SMAD6: variants seen among roughly 807,000 people sequenced by gnomAD.
SMAD6 encodes the protein MAD homolog 6.
Under a neutral mutation model 39.4 loss-of-function variants are expected in SMAD6, and 103 were observed. That is an observed-to-expected ratio of 2.62 (90% CI 2.23 to 3.08). The LOEUF (loss-of-function observed/expected upper bound fraction) is 3.08, where lower values mean the gene tolerates loss of function less well. SMAD6 is among the 30% of genes most tolerant of loss of function. SMAD6 has a pLI of 0.00. For missense variants in SMAD6, 1,104 were observed against 742.9 expected (o/e 1.49, Z -5.65); for synonymous variants, 445 against 353.3 (o/e 1.26, Z -2.91).
chr15:66,736,819 G>A (rs554810252), intron 3 of SMAD6, among the ~76,000 whole-genome samples: 2 of 152,182 alleles, frequency 1.3e-5, no homozygotes, highest in East Asian at 3.9e-4. Context: ...ACAGGCATCC[G>A]CCACCACGCC....
chr15:66,713,088 G>A (rs373328649), intron 2 of SMAD6, among the ~76,000 whole-genome samples: 1 of 152,190 alleles, frequency 6.6e-6, no homozygotes, highest in African/African-American at 2.4e-5. Context: ...AGGCAGAGAA[G>A]TGATGGAATC....
At chr15:66,718,847 C>T (rs1267349175) in intron 3 of SMAD6, among the ~76,000 whole-genome samples, 2 of 152,008 alleles carry the variant, frequency 1.3e-5, no homozygotes, top group Non-Finnish European at 2.9e-5. Context: ...GGTGAAGGCA[C>T]GAGTCATTCT....
rs1893331135 is a variant in SMAD6, at chr15:66,716,438, T to C, written c.892T>C (p.Leu298=). 3.1e-6 allele frequency: 5 copies of C among 1,613,402 alleles called. No individual in the cohort carries two copies. The highest frequency in any genetic ancestry group is 4.2e-6 in the Non-Finnish European group (5 of 1,179,390). The change falls in exon 3 of 4, where the codon TTG becomes CTG. Residue 298 remains leucine, a synonymous_variant. Transcript: ENST00000288840. Reference sequence around the variant, plus strand: ...TCCCACAGATCTGTCCGATTCCACATTGTCTTACACTGAAACGGAGGCTAC... The same window carrying C: ...TCCCACAGATCTGTCCGATTCCACACTGTCTTACACTGAAACGGAGGCTAC... ...YKPLDLSDST[L]SYTETEATNS...
At chr15:66,771,402 C>T (rs776797379) in intron 3 of SMAD6, among the ~76,000 whole-genome samples, 12 of 152,160 alleles carry the variant, frequency 7.9e-5, no homozygotes, top group Non-Finnish European at 1.2e-4. Flanking sequence ...CAGCCCAGGC[C>T]GCCACTTTGT....
At chr15:66,718,463 A>T (rs1415194218) in intron 3 of SMAD6, among the ~76,000 whole-genome samples, 1 of 152,184 alleles carries the variant, frequency 6.6e-6, no homozygotes, top group Admixed American at 6.5e-5. Flanking sequence ...GTGTTGGAAA[A>T]TGTGTCCAAT....
intron 3 of SMAD6, among the ~76,000 whole-genome samples, chr15:66,743,774 T>G (rs1893857520): frequency 6.6e-6 from 1 of 152,244 alleles, no homozygotes. Flanking sequence ...ATGGTCTCTA[T>G]GCAGCCAAAT....
intron 3 of SMAD6, among the ~76,000 whole-genome samples, chr15:66,750,986 A>G (rs1033465942): frequency 6.6e-6 from 1 of 152,116 alleles, no homozygotes; most frequent in African/African-American, 2.4e-5. Context: ...CTGGGCCTCC[A>G]CGTGCTAGGC....
chr15:66,703,652 C>G lies in SMAD6; in HGVS notation c.394C>G (p.Arg132Gly). 8.1e-7 allele frequency: 1 copy of G among 1,232,100 alleles called. No homozygotes were observed. The highest frequency in any genetic ancestry group is 1.0e-6 in the Non-Finnish European group (1 of 986,616). The allele number at this position is 1,232,100 out of a possible 1,614,324, so 76.3% of individuals were successfully genotyped here. A position where few individuals can be genotyped will look rare whatever the true frequency, so the allele number is the denominator to read the frequency against. The change falls in exon 1 of 4, where the codon CGG becomes GGG. Residue 132 changes from arginine to glycine, a missense_variant. Physicochemically the swap from Arg to Gly is moderately radical, Grantham distance 125. Coordinates refer to ENST00000288840, the MANE Select transcript of SMAD6 (RefSeq NM_005585.5). ...GGTGACCTGCTGTCTCTTTTCGGAG[C>G]GGGACGCCGCCGGCGCGCCCCGGGA... is the stretch of plus-strand genomic sequence containing the variant. ...ETVTCCLFSE[R>G]DAAGAPRDAS...
chr15:66,758,051 AGTT>A (rs1279318886), intron 3 of SMAD6, among the ~76,000 whole-genome samples: 1 of 152,208 alleles, frequency 6.6e-6, no homozygotes, highest in East Asian at 1.9e-4. Context: ...ATGGATAGAA[AGTT>A]GTTGTCATTG....
chr15:66,722,780 G>A (rs1893457151), intron 3 of SMAD6, among the ~76,000 whole-genome samples: 1 of 152,046 alleles, frequency 6.6e-6, no homozygotes, highest in Admixed American at 6.6e-5. Context: ...AGGGGGGGTC[G>A]GCAGGAGTGA....
At chr15:66,780,931 C>G in intron 3 of SMAD6, 66 bp from the exon 4 acceptor site, 1 of 1,459,590 alleles carries the variant, frequency 6.9e-7, no homozygotes, top group South Asian at 1.3e-5. Context: ...GTGCCCACCT[C>G]CGCTCCTCGG....
At chr15:66,737,823 G>A (rs1235321228) in intron 3 of SMAD6, among the ~76,000 whole-genome samples, 1 of 151,992 alleles carries the variant, frequency 6.6e-6, no homozygotes, top group Non-Finnish European at 1.5e-5. Context: ...CCCCAGTGAC[G>A]CGGAGCTGAG....
chr15:66,703,836 AGGC>A lies in SMAD6; in HGVS notation c.581_583del (p.Ala194del). ...GAGCGCTCGCTGGACACGCTGCTGG[AGGC>A]GGTGGAGTCCCGCGGCGGCGTGCCG... On this transcript the variant is annotated inframe_deletion, in exon 1 of 4. Coordinates refer to ENST00000288840, the MANE Select transcript of SMAD6 (RefSeq NM_005585.5). 1 of 1,395,790 alleles carries A rather than the reference AGGC, an allele frequency of 7.2e-7. No homozygotes were observed. Among genetic ancestry groups the A allele is most frequent in the Non-Finnish European group, 9.4e-7 (1 of 1,063,236 alleles). The allele number at this position is 1,395,790 out of a possible 1,614,324, so 86.5% of individuals were successfully genotyped here.
chr15:66,746,614 T>A (rs1378602441), intron 3 of SMAD6, among the ~76,000 whole-genome samples: 2 of 152,140 alleles, frequency 1.3e-5, no homozygotes, highest in Non-Finnish European at 2.9e-5. Flanking sequence ...TGAGACACCC[T>A]CTTGCATGTG....
At position 66,778,898 on chromosome 15, in the gene SMAD6, C is replaced by T. The variant is rs151267965; in HGVS notation, c.953-2099C>T. On this transcript the variant is annotated intron_variant, in intron 3 of 3. Transcript: ENST00000288840. Reference sequence around the variant, plus strand: ...GAAGGCACTCATGGATGCCGTTGCCCGTCCTGTCTCCCAGCATACTCCAGG... The same window carrying T: ...GAAGGCACTCATGGATGCCGTTGCCTGTCCTGTCTCCCAGCATACTCCAGG... Among the ~76,000 whole-genome samples the T allele has an allele frequency of 2.8e-3, 420 of 152,324 alleles. 4 individuals are homozygous for T. The highest frequency in any genetic ancestry group is 9.6e-3 in the African/African-American group (398 of 41,568).
chr15:66,709,329 TTTTC>T (rs1186099130), intron 1 of SMAD6, among the ~76,000 whole-genome samples: 3 of 152,216 alleles, frequency 2.0e-5, no homozygotes, highest in South Asian at 2.1e-4. Context: ...GGTTCATAGA[TTTTC>T]TTTCTATCTC....
Position 66,764,101 on chromosome 15 carries a change from C to A in SMAD6, c.953-16896C>A, listed in dbSNP as rs141597534. ...ATTGGAAAGGATACTGTCTAAGAAA[C>A]CAGGTTTTGTGATTTCCAAATACTG... On this transcript the variant is annotated intron_variant, in intron 3 of 3. Coordinates refer to ENST00000288840, the MANE Select transcript of SMAD6 (RefSeq NM_005585.5). Among the ~76,000 whole-genome samples, 4 of 152,326 alleles carry A rather than the reference C, an allele frequency of 2.6e-5. No homozygotes were observed. The East Asian group carries it at 7.7e-4, about 29-fold the overall frequency.
chr15:66,706,543 T>C (rs111321700), intron 1 of SMAD6: 36,365 of 152,386 alleles, frequency 0.24, 4,397 homozygotes, highest in Middle Eastern at 0.35. Flanking sequence ...GGCCGCCAGC[T>C]TGGCTCCCGT....
chr15:66,767,108 G>T (rs908083105), intron 3 of SMAD6, among the ~76,000 whole-genome samples: 1 of 152,220 alleles, frequency 6.6e-6, no homozygotes, highest in Non-Finnish European at 1.5e-5. Context: ...AGTGGCATTG[G>T]AAGGAGCATC....
Sources: allele counts gnomAD v4.1 joint callset (sites outside exome capture counted in the v4.1 genomes callset), GRCh38; gene constraint gnomAD v4.1.1; transcripts MANE v1.5; gene names NCBI Gene and HGNC (gene_info 2026-07-23, HGNC 2026-07-21).